PTBP2: variants seen among roughly 807,000 people sequenced by gnomAD.
PTBP2 encodes the protein polypyrimidine tract binding protein 2.
PTBP2 carries 13 observed loss-of-function variants against 61.4 expected under a neutral mutation model. The observed-to-expected ratio is 0.21, with a 90% CI of 0.14 to 0.34. The LOEUF (loss-of-function observed/expected upper bound fraction) is 0.34, where lower values mean the gene tolerates loss of function less well. Ranked by LOEUF, PTBP2 falls within the 10% of genes least tolerant of loss-of-function variation. The pLI, the probability that PTBP2 is intolerant of heterozygous loss-of-function variation, is 1.00. For synonymous variants in PTBP2, 215 were observed against 218.5 expected (o/e 0.98, Z 0.14); for missense variants, 405 against 642.6 (o/e 0.63, Z 4.00).
chr1:96,820,691 A>G (rs1203813163), exon 14 of PTBP2: 2 of 151,864 alleles, frequency 1.3e-5, no homozygotes, highest in African/African-American at 4.8e-5. Context: ...GGTCTTTTTC[A>G]AGATAAAGTC....
chr1:96,755,939 C>A (rs971920964), intron 3 of PTBP2, among the ~76,000 whole-genome samples: 1 of 152,078 alleles, frequency 6.6e-6, no homozygotes, highest in Non-Finnish European at 1.5e-5. Context: ...CAAAACTTGT[C>A]AAATTTTATA....
chr1:96,730,752 C>G (rs368532656), intron 2 of PTBP2, among the ~76,000 whole-genome samples: 1 of 152,164 alleles, frequency 6.6e-6, no homozygotes, highest in Non-Finnish European at 1.5e-5. Flanking sequence ...TTGGCTCTTT[C>G]ACAATTAAAG....
chr1:96,775,606 T>A (rs1657945549), intron 5 of PTBP2, among the ~76,000 whole-genome samples: 1 of 152,190 alleles, frequency 6.6e-6, no homozygotes, highest in South Asian at 2.1e-4. Flanking sequence ...GATAATATAC[T>A]GTTTTTTATC....
chr1:96,747,494 T>C (rs939383812), intron 2 of PTBP2, among the ~76,000 whole-genome samples: 1 of 152,164 alleles, frequency 6.6e-6, no homozygotes, highest in Non-Finnish European at 1.5e-5. Flanking sequence ...AAAATTATTT[T>C]TGTGTATTGT....
At chr1:96,737,641 A>G (rs1652414259) in intron 2 of PTBP2, among the ~76,000 whole-genome samples, 2 of 152,162 alleles carry the variant, frequency 1.3e-5, no homozygotes, top group Non-Finnish European at 1.5e-5. Context: ...AATGATGAGG[A>G]AAATTGGGAC....
At chr1:96,740,289 T>C (rs754994573) in intron 2 of PTBP2, among the ~76,000 whole-genome samples, 79 of 152,330 alleles carry the variant, frequency 5.2e-4, no homozygotes, top group Non-Finnish European at 9.7e-4. Context: ...AAGGCAACTT[T>C]CCTTCTGAGG....
At chr1:96,780,787 C>T (rs1446669837) in intron 7 of PTBP2, among the ~76,000 whole-genome samples, 1 of 152,052 alleles carries the variant, frequency 6.6e-6, no homozygotes, top group Non-Finnish European at 1.5e-5. Context: ...AAGAACCTGG[C>T]GGACTAATGA....
chr1:96,738,342 G>T (rs1041416700), intron 2 of PTBP2, among the ~76,000 whole-genome samples: 1 of 152,058 alleles, frequency 6.6e-6, no homozygotes, highest in Non-Finnish European at 1.5e-5. Context: ...TGCCCAGGCT[G>T]GAGTGCAGTG....
chr1:96,727,482 A>T (rs1156262000), intron 2 of PTBP2, among the ~76,000 whole-genome samples: 3 of 152,150 alleles, frequency 2.0e-5, no homozygotes, highest in African/African-American at 7.2e-5. Flanking sequence ...AAACTTTTTA[A>T]AAGTAGTTGT....
rs77233317 is a variant in PTBP2, at chr1:96,788,259, C to T, written c.904+3005C>T. ...TATTAATATGCATATTTTGGATGAG[C>T]CAAGCCTTCAGCTTTATTCACTTAT... On this transcript the variant is annotated intron_variant, in intron 8 of 13. Coordinates refer to ENST00000674951, the MANE Select transcript of PTBP2 (RefSeq NM_021190.4). 3.8e-3 allele frequency among the ~76,000 whole-genome samples: 573 copies of T among 152,142 alleles called. 8 individuals carry two copies. Among genetic ancestry groups the T allele is most frequent in the African/African-American group, 0.013 (528 of 41,538 alleles).
chr1:96,756,475 C>T (rs542707304), intron 3 of PTBP2, among the ~76,000 whole-genome samples: 11 of 152,282 alleles, frequency 7.2e-5, no homozygotes, highest in South Asian at 4.1e-4. Context: ...ACTTAGTCTG[C>T]GCAGAAAGTA....
chr1:96,796,272 T>C (rs1172380815), intron 8 of PTBP2, among the ~76,000 whole-genome samples: 1 of 147,086 alleles, frequency 6.8e-6, no homozygotes, highest in Non-Finnish European at 1.5e-5. Flanking sequence ...GGGCAACATA[T>C]TAAGACCCCG....
intron 8 of PTBP2, among the ~76,000 whole-genome samples, chr1:96,788,951 A>G (rs1008359615): frequency 3.3e-5 from 5 of 152,078 alleles, no homozygotes; most frequent in Non-Finnish European, 5.9e-5. Context: ...ATAATCACAA[A>G]TGTGGCCGAC....
intron 8 of PTBP2, among the ~76,000 whole-genome samples, chr1:96,803,860 A>G (rs202100291): frequency 6.6e-6 from 1 of 152,146 alleles, no homozygotes; most frequent in East Asian, 1.9e-4. Flanking sequence ...TTATGTTGGG[A>G]AGATAAAAAA....
At position 96,774,453 on chromosome 1, in the gene PTBP2, A is replaced by C. The variant is rs138254040; in HGVS notation, c.433-3132A>C. Among the ~76,000 whole-genome samples, 25 of 152,242 alleles carry C rather than the reference A, an allele frequency of 1.6e-4. No homozygotes were observed. In the East Asian group the frequency reaches 4.8e-3, roughly 29 times the overall value. On this transcript the variant is annotated intron_variant, in intron 5 of 13. Coordinates refer to ENST00000674951, the MANE Select transcript of PTBP2 (RefSeq NM_021190.4). ...GCTAATGATAACCTTCCCTCCCTTC[A>C]GTGTTTGTTTATTTTATATTCATTC...
intron 11 of PTBP2, among the ~76,000 whole-genome samples, chr1:96,808,800 CACACACACAA>C (rs2101228076): frequency 6.7e-6 from 1 of 149,328 alleles, no homozygotes; most frequent in South Asian, 2.1e-4. Context: ...CTTTAAAACA[CACACACACAA>C]ACACACACAC....
intron 5 of PTBP2, among the ~76,000 whole-genome samples, chr1:96,772,838 C>T (rs770739040): frequency 6.6e-6 from 1 of 151,732 alleles, no homozygotes; most frequent in Non-Finnish European, 1.5e-5. Context: ...GGGGGCTGGG[C>T]TTGGTGGCTT....
intron 9 of PTBP2, among the ~76,000 whole-genome samples, 153 bp downstream of exon 9, chr1:96,805,092 A>G (rs1661374324): frequency 6.6e-6 from 1 of 152,140 alleles, no homozygotes; most frequent in African/African-American, 2.4e-5. Context: ...TAAAATCTAC[A>G]TATTGTTTAG....
At chr1:96,760,378 TGAA>T (rs1655666552) in intron 3 of PTBP2, among the ~76,000 whole-genome samples, 1 of 151,192 alleles carries the variant, frequency 6.6e-6, no homozygotes, top group African/African-American at 2.4e-5. Flanking sequence ...CGAATGTTGA[TGAA>T]GATGTGGAAC....
Sources: allele counts gnomAD v4.1 joint callset (sites outside exome capture counted in the v4.1 genomes callset), GRCh38; gene constraint gnomAD v4.1.1; transcripts MANE v1.5; gene names NCBI Gene and HGNC (gene_info 2026-07-23, HGNC 2026-07-21).